PAPPA: variants seen among roughly 807,000 people sequenced by gnomAD.
PAPPA encodes the protein pappalysin-1.
PAPPA carries 60 observed loss-of-function variants against 164.0 expected under a neutral mutation model. That is an observed-to-expected ratio of 0.37 (90% CI 0.30 to 0.45). The LOEUF (loss-of-function observed/expected upper bound fraction) is 0.45, where lower values mean the gene tolerates loss of function less well. Among genes scored for constraint, PAPPA ranks in the 20% least tolerant of loss-of-function variants. The pLI is 1.00. For missense variants in PAPPA, 1,782 were observed against 2,087.3 expected, an observed-to-expected ratio of 0.85 and a Z score of 2.85; for synonymous variants, 875 against 814.1, an observed-to-expected ratio of 1.07 and a Z score of -1.27.
chr9:116,259,517 C>A (rs1386712308), intron 7 of PAPPA, among the ~76,000 whole-genome samples: 2 of 152,010 alleles, frequency 1.3e-5, no homozygotes, highest in Non-Finnish European at 2.9e-5. Context: ...GACTAGAAAC[C>A]TACTTGATCC....
intron 5 of PAPPA, among the ~76,000 whole-genome samples, chr9:116,221,889 C>G (rs909506384): frequency 9.9e-5 from 15 of 152,268 alleles, no homozygotes; most frequent in African/African-American, 3.6e-4. Context: ...CACTAATCAT[C>G]AGGAAAAGGC....
chr9:116,364,075 T>C (rs1303915426), intron 18 of PAPPA, among the ~76,000 whole-genome samples: 1 of 152,216 alleles, frequency 6.6e-6, no homozygotes, highest in Non-Finnish European at 1.5e-5. Flanking sequence ...CCTGCTAATA[T>C]AGGCATTCTA....
At chr9:116,248,876 T>C (rs1844827764) in intron 7 of PAPPA, among the ~76,000 whole-genome samples, 1 of 152,178 alleles carries the variant, frequency 6.6e-6, no homozygotes, top group Admixed American at 6.5e-5. Flanking sequence ...TCATATCTGG[T>C]ATATTGAAGG....
rs1554730866 is a variant in PAPPA, at chr9:116,156,334, G to GTGTATATATA, written c.415+1748_415+1749insGTATATATAT. Among the ~76,000 whole-genome samples the GTGTATATATA allele has an allele frequency of 1.4e-5, 2 of 139,590 alleles. 1 individual carries two copies. The highest frequency in any genetic ancestry group is 5.3e-5 in the African/African-American group (2 of 37,804). 91.6% of individuals were successfully genotyped at this position (139,590 alleles called of 152,430 possible). On this transcript the variant is annotated intron_variant, in intron 1 of 21. Transcript: ENST00000328252. ...TATATATGTGTGTATATATATATGT[G>GTGTATATATA]TATATATATATATGTATATATATAT...
At chr9:116,208,824 TTGTG>T (rs147986618) in intron 3 of PAPPA, among the ~76,000 whole-genome samples, 5 of 150,690 alleles carry the variant, frequency 3.3e-5, no homozygotes, top group African/African-American at 4.9e-5. Context: ...TGAAACCAAT[TTGTG>T]TGTGTGTGTG....
At chr9:116,252,831 A>G (rs1844875453) in intron 7 of PAPPA, among the ~76,000 whole-genome samples, 1 of 152,216 alleles carries the variant, frequency 6.6e-6, no homozygotes, top group African/African-American at 2.4e-5. Context: ...AGTCTAAATG[A>G]ACTGTTCTTA....
intron 5 of PAPPA, among the ~76,000 whole-genome samples, chr9:116,224,315 G>T (rs141975227): frequency 6.6e-6 from 1 of 152,094 alleles, no homozygotes; most frequent in Non-Finnish European, 1.5e-5. Flanking sequence ...TCTGACAATT[G>T]GCCATGGTAT....
At position 116,208,357 on chromosome 9, in the gene PAPPA, A is replaced by T. The variant is rs1391460555; in HGVS notation, c.1624+756A>T. ...AAATTCTGTGTTCTTTTTTCACTTA[A>T]TATTATGCTATCTACTTTTTTTTCC... On this transcript the variant is annotated intron_variant, in intron 3 of 21. Coordinates refer to ENST00000328252, the MANE Select transcript of PAPPA (RefSeq NM_002581.5). Among the ~76,000 whole-genome samples, 5 of 139,288 alleles carry T rather than the reference A, an allele frequency of 3.6e-5. No individual in the cohort carries two copies. The East Asian group carries it at 1.1e-3, about 32-fold the overall frequency. 91.4% of individuals were successfully genotyped at this position (139,288 alleles called of 152,430 possible).
chr9:116,297,134 C>A (rs1456147228), intron 9 of PAPPA, among the ~76,000 whole-genome samples: 4 of 152,140 alleles, frequency 2.6e-5, no homozygotes, highest in African/African-American at 9.7e-5. Context: ...GGATTACAGG[C>A]ATGAGCCACC....
In PAPPA at chr9:116,402,189, C is replaced by T. The variant is rs543785473; in HGVS notation, c.*5573C>T. 3 of 152,658 alleles carry T rather than the reference C, an allele frequency of 2.0e-5. No homozygotes were observed. The highest frequency in any genetic ancestry group is 7.2e-5 in the African/African-American group (3 of 41,536). The allele number at this position is 152,658 out of a possible 1,614,324, so 9.5% of individuals were successfully genotyped here. ...GTTCTCATGGATTTGTTTTCCCATA[C>T]TGTTTTCTCTGATCTCAATTACAGG... On this transcript the variant is annotated 3_prime_UTR_variant, in exon 22 of 22. Transcript: ENST00000328252.
intron 5 of PAPPA, among the ~76,000 whole-genome samples, chr9:116,224,876 A>T (rs1844486005): frequency 6.6e-6 from 1 of 152,052 alleles, no homozygotes; most frequent in South Asian, 2.1e-4. Flanking sequence ...CATGTCTATG[A>T]TTTCATTGTG....
Position 116,399,010 on chromosome 9 carries a change from G to T in PAPPA, c.*2394G>T, listed in dbSNP as rs76267874. The T allele has an allele frequency of 3.1e-3, 673 of 220,192 alleles. 2 individuals carry two copies. The highest frequency in any genetic ancestry group is 4.9e-3 in the Non-Finnish European group (536 of 109,516). The allele number at this position is 220,192 out of a possible 1,614,324, so 13.6% of individuals were successfully genotyped here. On this transcript the variant is annotated 3_prime_UTR_variant, in exon 22 of 22. Coordinates refer to ENST00000328252, the MANE Select transcript of PAPPA (RefSeq NM_002581.5). ...TGTAACAGTATCAACCCTCCCAGTT[G>T]CTTAATTATACCCATAGGTAATACA... is the stretch of plus-strand genomic sequence containing the variant.
At chr9:116,242,282 A>G (rs1844745566) in intron 7 of PAPPA, among the ~76,000 whole-genome samples, 1 of 152,176 alleles carries the variant, frequency 6.6e-6, no homozygotes, top group African/African-American at 2.4e-5. Context: ...AAGGATGCAT[A>G]ACAGCTGATC....
intron 1 of PAPPA, among the ~76,000 whole-genome samples, chr9:116,173,706 T>C (rs1201339019): frequency 1.3e-5 from 2 of 152,212 alleles, no homozygotes; most frequent in African/African-American, 2.4e-5. Context: ...TGATTCACCT[T>C]GTGCTAGAAA....
rs753889822 is a variant in PAPPA, at chr9:116,235,508, T to C, written c.2603T>C (p.Met868Thr). ...GAGCACCTGGAGATCGATGCTGCCA[T>C]GTTGACCTCCACTGCAGACACCCCA... ...LDEHLEIDAAMLTSTADTPLC... is the reference protein window; with the variant it reads ...LDEHLEIDAATLTSTADTPLC... The change falls in exon 7 of 22, where the codon ATG becomes ACG. Residue 868 changes from methionine to threonine, a missense_variant. Physicochemically the swap from Met to Thr is moderately conservative, Grantham distance 81. Coordinates refer to ENST00000328252, the MANE Select transcript of PAPPA (RefSeq NM_002581.5). The C allele has an allele frequency of 6.2e-7, 1 of 1,613,572 alleles. No individual in the cohort carries two copies. The highest frequency in any genetic ancestry group is 8.5e-7 in the Non-Finnish European group (1 of 1,180,028).
At chr9:116,328,552 A>G (rs1845949298) in intron 10 of PAPPA, among the ~76,000 whole-genome samples, 1 of 152,142 alleles carries the variant, frequency 6.6e-6, no homozygotes, top group South Asian at 2.1e-4. Flanking sequence ...TGCTTTCAGA[A>G]CCTATCAATT....
At chr9:116,342,382 T>TG (rs1364185012) in intron 13 of PAPPA, among the ~76,000 whole-genome samples, 17 of 152,172 alleles carry the variant, frequency 1.1e-4, no homozygotes, top group Admixed American at 1.0e-3. Context: ...TCTCAACAAG[T>TG]GTTCCTTAAT....
chr9:116,211,430 G>A (rs1437983576), intron 3 of PAPPA, among the ~76,000 whole-genome samples: 1 of 152,090 alleles, frequency 6.6e-6, no homozygotes, highest in African/African-American at 2.4e-5. Context: ...TAAAGGAATT[G>A]TACAAAATGA....
chr9:116,343,415 G>C (rs1341880842), intron 13 of PAPPA, among the ~76,000 whole-genome samples: 1 of 152,154 alleles, frequency 6.6e-6, no homozygotes, highest in Non-Finnish European at 1.5e-5. Context: ...TACCCATGAG[G>C]GTGCTTGCCG....
Sources: gnomAD v4.1 joint callset for allele counts (sites outside exome capture counted in the v4.1 genomes callset) on GRCh38, gnomAD v4.1.1 for gene constraint, MANE v1.5 for transcripts, NCBI Gene and HGNC (gene_info 2026-07-23, HGNC 2026-07-21) for gene names.